Variants in TAFA5 observed in about 807,000 individuals in gnomAD.
TAFA5 encodes the protein chemokine-like protein TAFA-5.
Under a neutral mutation model 15.3 loss-of-function variants are expected in TAFA5, and 6 were observed. That is an observed-to-expected ratio of 0.39 (90% CI 0.21 to 0.77). The LOEUF (loss-of-function observed/expected upper bound fraction) is 0.77. Among genes scored for constraint, TAFA5 ranks in the 30% least tolerant of loss-of-function variants. The pLI, the probability that TAFA5 is intolerant of heterozygous loss-of-function variation, is 0.41. For synonymous variants in TAFA5, 103 were observed against 80.7 expected (o/e 1.28, Z -1.48); for missense variants, 161 against 193.1 (o/e 0.83, Z 0.98).
chr22:48,658,865 A>G (rs754618232), intron 2 of TAFA5, among the ~76,000 whole-genome samples: 2 of 152,228 alleles, frequency 1.3e-5, no homozygotes, highest in African/African-American at 2.4e-5. Context: ...TCAGATGGAC[A>G]GTGCCCTGTG....
At chr22:48,631,096 G>A (rs1164432926) in intron 1 of TAFA5, among the ~76,000 whole-genome samples, 1 of 152,220 alleles carries the variant, frequency 6.6e-6, no homozygotes, top group Non-Finnish European at 1.5e-5. Context: ...GACCTCCTGG[G>A]CCAGGCAGAG....
chr22:48,613,612 G>A (rs781483138), intron 1 of TAFA5, among the ~76,000 whole-genome samples: 2 of 152,068 alleles, frequency 1.3e-5, no homozygotes, highest in Admixed American at 6.5e-5. Context: ...TAGAAAACAC[G>A]GATTTCCATC....
At chr22:48,505,732 G>A (rs2057699815) in intron 1 of TAFA5, among the ~76,000 whole-genome samples, 2 of 152,190 alleles carry the variant, frequency 1.3e-5, no homozygotes, top group Non-Finnish European at 2.9e-5. Flanking sequence ...ATCCTGGTGG[G>A]CCAGCATCCC....
At chr22:48,538,331 C>T (rs541373633) in intron 1 of TAFA5, among the ~76,000 whole-genome samples, 1 of 152,338 alleles carries the variant, frequency 6.6e-6, no homozygotes, top group African/African-American at 2.4e-5. Context: ...GCCCTGCCCT[C>T]AGGCTGGTTG....
intron 3 of TAFA5, among the ~76,000 whole-genome samples, chr22:48,737,684 G>A (rs1325550899): frequency 6.6e-6 from 1 of 152,232 alleles, no homozygotes; most frequent in Non-Finnish European, 1.5e-5. Context: ...CGAGAGGTGG[G>A]CAGTTCCCAA....
At chr22:48,712,632 G>T (rs993985858) in intron 3 of TAFA5, among the ~76,000 whole-genome samples, 1 of 152,192 alleles carries the variant, frequency 6.6e-6, no homozygotes, top group African/African-American at 2.4e-5. Context: ...TTTTCCAGGT[G>T]CTGCCTCTCT....
chr22:48,667,328 G>A (rs1488778270), intron 2 of TAFA5, among the ~76,000 whole-genome samples: 1 of 152,152 alleles, frequency 6.6e-6, no homozygotes, highest in Non-Finnish European at 1.5e-5. Context: ...TTTCACCCAG[G>A]AGAACAGAGC....
At chr22:48,720,102 C>A (rs532265800) in intron 3 of TAFA5, among the ~76,000 whole-genome samples, 1 of 152,214 alleles carries the variant, frequency 6.6e-6, no homozygotes, top group African/African-American at 2.4e-5. Flanking sequence ...AATGTGAGGA[C>A]GCTCGCCCGG....
intron 2 of TAFA5, among the ~76,000 whole-genome samples, chr22:48,666,477 C>G (rs570213675): frequency 9.8e-5 from 15 of 152,388 alleles, no homozygotes; most frequent in African/African-American, 2.9e-4. Context: ...CCACTGGTTA[C>G]AATTGATGAG....
chr22:48,682,902 G>A (rs532816760), intron 2 of TAFA5, among the ~76,000 whole-genome samples: 7 of 152,232 alleles, frequency 4.6e-5, no homozygotes, highest in East Asian at 3.9e-4. Context: ...GGCTTGACAC[G>A]CGTGGAGTCC....
At chr22:48,593,316 A>T (rs535556395) in intron 1 of TAFA5, among the ~76,000 whole-genome samples, 1 of 152,114 alleles carries the variant, frequency 6.6e-6, no homozygotes, top group African/African-American at 2.4e-5. Context: ...CATTTTGCAG[A>T]TGGGGAAATA....
At chr22:48,672,569 A>G (rs1927835456) in intron 2 of TAFA5, among the ~76,000 whole-genome samples, 5 of 152,220 alleles carry the variant, frequency 3.3e-5, no homozygotes. Flanking sequence ...CAGCACAAAC[A>G]GATTTTCTTT....
At chr22:48,673,153 G>A (rs1927855143) in intron 2 of TAFA5, among the ~76,000 whole-genome samples, 1 of 152,170 alleles carries the variant, frequency 6.6e-6, no homozygotes, top group African/African-American at 2.4e-5. Flanking sequence ...TCTGAGGAAG[G>A]TCCCCTCCAT....
rs781138134 is a variant in TAFA5, at chr22:48,489,572, C to A, written c.-21C>A. 3.6e-6 allele frequency: 5 copies of A among 1,403,696 alleles called. No homozygotes were observed. The highest frequency in any genetic ancestry group is 5.1e-5 in the Admixed American group (2 of 38,862). 87.0% of individuals were successfully genotyped at this position (1,403,696 alleles called of 1,614,324 possible). ...GCTGCTGAGACGCGCTGCTGCCCCC[C>A]GCGCGGGCGCCGCGGCTTCAATGGC... On this transcript the variant is annotated 5_prime_UTR_variant, in exon 1 of 4. Transcript: ENST00000402357. The surrounding 1 kb of genome is among the most constrained non-coding windows in gnomAD (Gnocchi z 5.5).
intron 1 of TAFA5, among the ~76,000 whole-genome samples, chr22:48,497,178 G>C (rs1297061510): frequency 6.6e-6 from 1 of 152,228 alleles, no homozygotes; most frequent in Non-Finnish European, 1.5e-5. Flanking sequence ...CCATGGCCCC[G>C]TTCCGCCCCC....
chr22:48,569,087 C>T (rs920786534), intron 1 of TAFA5, among the ~76,000 whole-genome samples: 1 of 152,180 alleles, frequency 6.6e-6, no homozygotes, highest in Non-Finnish European at 1.5e-5. Flanking sequence ...CCTCACTGGC[C>T]GTGGCCTCCT....
chr22:48,722,722 G>C (rs1367277849), intron 3 of TAFA5, among the ~76,000 whole-genome samples: 1 of 152,202 alleles, frequency 6.6e-6, no homozygotes, highest in African/African-American at 2.4e-5. Flanking sequence ...AATTGAAAAA[G>C]AAAGTAAGAT....
intron 1 of TAFA5, among the ~76,000 whole-genome samples, chr22:48,494,570 T>C (rs189343492): frequency 6.1e-4 from 93 of 152,260 alleles, no homozygotes; most frequent in African/African-American, 2.1e-3. Flanking sequence ...TAGCGTCTGG[T>C]GTGTCTCTTC....
chr22:48,699,121 C>T (rs1053226909), intron 2 of TAFA5, among the ~76,000 whole-genome samples: 5 of 151,810 alleles, frequency 3.3e-5, no homozygotes, highest in African/African-American at 4.8e-5. Context: ...TTAGTAGAGA[C>T]GGGGTTTCAC....
Sources: gnomAD v4.1 joint callset for allele counts (sites outside exome capture counted in the v4.1 genomes callset) on GRCh38, gnomAD v4.1.1 for gene constraint, Gnocchi (gnomAD v3.1) non-coding constraint, MANE v1.5 for transcripts, NCBI Gene and HGNC (gene_info 2026-07-23, HGNC 2026-07-21) for gene names.